Variants in SEMA4D observed in about 807,000 individuals in gnomAD.
SEMA4D encodes semaphorin 4D.
A neutral mutation model predicts 74.8 loss-of-function variants in SEMA4D; 22 were observed. The observed-to-expected ratio is 0.29, with a 90% CI of 0.21 to 0.42. SEMA4D has a LOEUF of 0.42. SEMA4D is among the 10% of genes least tolerant of loss of function. The pLI is 1.00. For missense variants in SEMA4D, 937 were observed against 1,118.4 expected (o/e 0.84, Z 2.31); for synonymous variants, 445 against 463.7 (o/e 0.96, Z 0.52).
intron 2 of SEMA4D, among the ~76,000 whole-genome samples, chr9:89,442,388 G>A (rs1851866370): frequency 6.6e-6 from 1 of 152,184 alleles, no homozygotes; most frequent in Non-Finnish European, 1.5e-5. Context: ...GTTAAACATG[G>A]CAGCTTTGCA....
intron 1 of SEMA4D, among the ~76,000 whole-genome samples, chr9:89,469,870 A>C (rs998320309): frequency 6.6e-6 from 1 of 152,202 alleles, no homozygotes; most frequent in Non-Finnish European, 1.5e-5. Flanking sequence ...TGCTCTCACT[A>C]CTTCTCAACA....
At position 89,381,874 on chromosome 9, in the gene SEMA4D, A is replaced by G. The variant is rs1320136735; in HGVS notation, c.1447-528T>C. On this transcript the variant is annotated intron_variant, in intron 13 of 15. Transcript: ENST00000422704. The surrounding 1 kb of genome is among the most constrained non-coding windows in gnomAD (Gnocchi z 4.6). ...GGTCTGGATCCAGCAGAGGCCTAAC[A>G]TAACAGGGATGCCAAACGGACGACA... 3 of 153,320 alleles carry G rather than the reference A, an allele frequency of 2.0e-5. No homozygotes were observed. The Admixed American group carries it at 2.0e-4, about 10-fold the overall frequency. 9.5% of individuals were successfully genotyped at this position (153,320 alleles called of 1,614,324 possible). A position where few individuals can be genotyped will look rare whatever the true frequency, so the allele number is the denominator to read the frequency against.
chr9:89,378,643 C>G lies in SEMA4D; in HGVS notation c.*61G>C, dbSNP rs1588152020. ...ACTCGGATACTGAACAGGAGAAACACAAAACTCTCCACGCCTGGACACGTC... is the reference window on the plus strand; with the variant it reads ...ACTCGGATACTGAACAGGAGAAACAGAAAACTCTCCACGCCTGGACACGTC... On this transcript the variant is annotated 3_prime_UTR_variant, in exon 16 of 16. Coordinates refer to ENST00000422704, the MANE Select transcript of SEMA4D (RefSeq NM_001371194.2). 1 of 1,361,052 alleles carries G rather than the reference C, an allele frequency of 7.3e-7. No homozygotes were observed. The highest frequency in any genetic ancestry group is 1.3e-5 in the South Asian group (1 of 79,924). The allele number at this position is 1,361,052 out of a possible 1,614,324, so 84.3% of individuals were successfully genotyped here. A position where few individuals can be genotyped will look rare whatever the true frequency, so the allele number is the denominator to read the frequency against.
chr9:89,410,114 G>C (rs541879809), intron 2 of SEMA4D, among the ~76,000 whole-genome samples: 1 of 152,240 alleles, frequency 6.6e-6, no homozygotes, highest in African/African-American at 2.4e-5. Context: ...TGCCCAGCTT[G>C]CAGCACACGC....
intron 1 of SEMA4D, among the ~76,000 whole-genome samples, chr9:89,458,250 G>A (rs1750641275): frequency 6.6e-6 from 1 of 152,176 alleles, no homozygotes; most frequent in Non-Finnish European, 1.5e-5. Flanking sequence ...TTTTCGTGCT[G>A]TGGAGTGGCC....
At chr9:89,482,721 C>T (rs1421402087) in intron 1 of SEMA4D, among the ~76,000 whole-genome samples, 1 of 152,200 alleles carries the variant, frequency 6.6e-6, no homozygotes. Flanking sequence ...CACAAAATGT[C>T]TCAGTGGAAG....
At chr9:89,431,664 T>C (rs549581393) in intron 2 of SEMA4D, among the ~76,000 whole-genome samples, 2 of 152,130 alleles carry the variant, frequency 1.3e-5, no homozygotes, top group East Asian at 3.9e-4. Flanking sequence ...TGCTCAGCTA[T>C]CTTTTTATTT....
At chr9:89,384,127 C>A (rs1564554314) in intron 13 of SEMA4D, among the ~76,000 whole-genome samples, 1 of 152,136 alleles carries the variant, frequency 6.6e-6, no homozygotes, top group Non-Finnish European at 1.5e-5. Flanking sequence ...GAGGGCCGAG[C>A]AAACCGCATC....
intron 1 of SEMA4D, among the ~76,000 whole-genome samples, chr9:89,461,918 G>C (rs1164333489): frequency 6.6e-6 from 1 of 151,960 alleles, no homozygotes; most frequent in Non-Finnish European, 1.5e-5. Flanking sequence ...GGTCAGGCTG[G>C]TCTCGAACTC....
chr9:89,423,664 G>A (rs1302240158), intron 2 of SEMA4D, among the ~76,000 whole-genome samples: 3 of 151,956 alleles, frequency 2.0e-5, no homozygotes, highest in African/African-American at 7.3e-5. Context: ...CCCAGAACAG[G>A]CCTCTGCCCC....
At chr9:89,478,497 C>T (rs1167215714) in intron 1 of SEMA4D, among the ~76,000 whole-genome samples, 2 of 152,166 alleles carry the variant, frequency 1.3e-5, no homozygotes, top group South Asian at 4.1e-4. Flanking sequence ...GAATAAGTTT[C>T]TGTTGTTGGA....
In SEMA4D at chr9:89,396,798, A is replaced by G; in HGVS notation, c.353T>C (p.Leu118Pro). ...ACACACGTAAAGGGAAGTGGCGCTG[A>G]GTGGCTGCAGCACCCGGATGTAGTT... ...CLNYIRVLQP[L>P]SATSLYVCGT... Residue 118 changes from leucine to proline, a missense_variant, in exon 6 of 16, where the codon CTC becomes CCC. Physicochemically the swap from Leu to Pro is moderately conservative, Grantham distance 98. Coordinates refer to ENST00000422704, the MANE Select transcript of SEMA4D (RefSeq NM_001371194.2). 8.7e-6 allele frequency: 14 copies of G among 1,614,034 alleles called. No individual in the cohort carries two copies. Among genetic ancestry groups the G allele is most frequent in the Non-Finnish European group, 1.2e-5 (14 of 1,179,946 alleles).
Position 89,378,299 on chromosome 9 carries a change from AAATG to A in SEMA4D, c.*401_*404del. Reference sequence around the variant, plus strand: ...GATAAGTTACCAATCTGATAAACTAAAATGTCATTTCCAATCTGGAATTAAATAA... The same window carrying A: ...GATAAGTTACCAATCTGATAAACTAATCATTTCCAATCTGGAATTAAATAA... On this transcript the variant is annotated 3_prime_UTR_variant, in exon 16 of 16. Coordinates refer to ENST00000422704, the MANE Select transcript of SEMA4D (RefSeq NM_001371194.2). 5.8e-6 allele frequency: 1 copy of A among 170,950 alleles called. No individual in the cohort carries two copies. The allele number at this position is 170,950 out of a possible 1,614,324, so 10.6% of individuals were successfully genotyped here. A position where few individuals can be genotyped will look rare whatever the true frequency, so the allele number is the denominator to read the frequency against.
intron 12 of SEMA4D, 66 bp downstream of exon 12, chr9:89,387,320 C>T: frequency 7.4e-7 from 1 of 1,351,966 alleles, no homozygotes. Context: ...TTGGATTTCC[C>T]AGTTTTCCTA....
At chr9:89,487,977 G>A (rs779046566) in intron 1 of SEMA4D, among the ~76,000 whole-genome samples, 12 of 152,202 alleles carry the variant, frequency 7.9e-5, no homozygotes, top group Non-Finnish European at 1.3e-4. Context: ...CAGGCTTGCT[G>A]TAGAAACTGA....
intron 1 of SEMA4D, among the ~76,000 whole-genome samples, chr9:89,493,580 AG>A (rs1205119947): frequency 6.6e-6 from 1 of 152,238 alleles, no homozygotes; most frequent in East Asian, 1.9e-4. Context: ...CACACAAATC[AG>A]AAGGCCTAAC....
At chr9:89,438,968 T>TA (rs1851093001) in intron 2 of SEMA4D, among the ~76,000 whole-genome samples, 1 of 6,920 alleles carries the variant, frequency 1.4e-4, no homozygotes, top group Non-Finnish European at 3.9e-4. Context: ...CCGGGCCTTT[T>TA]TTTTTTTTTT....
At chr9:89,394,605 G>A (rs932258559) in intron 6 of SEMA4D, among the ~76,000 whole-genome samples, 1 of 152,236 alleles carries the variant, frequency 6.6e-6, no homozygotes, top group South Asian at 2.1e-4. Context: ...CCCACGGCGG[G>A]GCAAGGGCAC....
intron 2 of SEMA4D, among the ~76,000 whole-genome samples, chr9:89,424,541 G>A (rs551109677): frequency 1.2e-4 from 18 of 152,032 alleles, no homozygotes; most frequent in South Asian, 2.1e-4. Context: ...AAATTCCTTC[G>A]AGCTCTTTTT....
Sources: gnomAD v4.1 joint callset for allele counts (sites outside exome capture counted in the v4.1 genomes callset) on GRCh38, gnomAD v4.1.1 for gene constraint, Gnocchi (gnomAD v3.1) non-coding constraint, MANE v1.5 for transcripts, NCBI Gene and HGNC (gene_info 2026-07-23, HGNC 2026-07-21) for gene names.